Variants in SGMS1 observed in about 807,000 individuals in gnomAD.
SGMS1 encodes the protein sphingomyelin synthase 1.
Under a neutral mutation model 46.2 loss-of-function variants are expected in SGMS1, and 13 were observed. The ratio of observed to expected loss-of-function variants is 0.28; its 90% CI spans 0.18 to 0.45. The LOEUF is 0.45. Among genes scored for constraint, SGMS1 ranks in the 20% least tolerant of loss-of-function variants. SGMS1 has a pLI of 1.00. For missense variants in SGMS1, 324 were observed against 519.9 expected, an observed-to-expected ratio of 0.62 and a Z score of 3.66; for synonymous variants, 203 against 187.8, an observed-to-expected ratio of 1.08 and a Z score of -0.66.
At chr10:50,516,204 T>G (rs1028006775) in intron 3 of SGMS1, among the ~76,000 whole-genome samples, 1 of 152,148 alleles carries the variant, frequency 6.6e-6, no homozygotes, top group Non-Finnish European at 1.5e-5. Context: ...GACATCCACT[T>G]TGAAATACTT....
intron 9 of SGMS1, 149 bp from the exon 10 acceptor site, chr10:50,308,297 T>C: frequency 3.0e-6 from 2 of 677,922 alleles, no homozygotes; most frequent in Non-Finnish European, 4.8e-6. Context: ...GTCATTTATC[T>C]GTAACCAAGG....
At chr10:50,582,003 G>A (rs945883617) in intron 2 of SGMS1, among the ~76,000 whole-genome samples, 1 of 152,190 alleles carries the variant, frequency 6.6e-6, no homozygotes, top group African/African-American at 2.4e-5. Context: ...AACAGCAACC[G>A]CAGGGCAGAG....
chr10:50,457,414 T>G (rs1837205839), intron 5 of SGMS1, among the ~76,000 whole-genome samples: 1 of 152,216 alleles, frequency 6.6e-6, no homozygotes, highest in Non-Finnish European at 1.5e-5. Context: ...GTTTTTTACA[T>G]TTTTCTTCTT....
intron 6 of SGMS1, among the ~76,000 whole-genome samples, chr10:50,388,603 A>G (rs1050557853): frequency 6.6e-6 from 1 of 152,160 alleles, no homozygotes; most frequent in African/African-American, 2.4e-5. Context: ...ACAGAGCGAG[A>G]CTGTCTCAAA....
rs954367642 is a variant in SGMS1 at position 50,307,051 on chromosome 10, A to G, written c.*91T>C. 14 of 1,228,474 alleles carry G rather than the reference A, an allele frequency of 1.1e-5. No homozygotes were observed. Among genetic ancestry groups the G allele is most frequent in the Admixed American group, 2.3e-5 (1 of 42,888 alleles). 76.1% of individuals were successfully genotyped at this position (1,228,474 alleles called of 1,614,324 possible). A position where few individuals can be genotyped will look rare whatever the true frequency, so the allele number is the denominator to read the frequency against. ...GTCAAGGTAACCATTGAAAGATAAT[A>G]GGATTAGGGAGGTGTTTATTTTATG... On this transcript the variant is annotated 3_prime_UTR_variant, in exon 11 of 11. Coordinates refer to ENST00000361781, the MANE Select transcript of SGMS1 (RefSeq NM_147156.4). The surrounding 1 kb of genome is among the most constrained non-coding windows in gnomAD (Gnocchi z 4.2).
At chr10:50,365,255 CAAAA>C (rs67951872) in intron 6 of SGMS1, among the ~76,000 whole-genome samples, 541 of 45,024 alleles carry the variant, frequency 0.012, 1 homozygote, top group African/African-American at 0.036. Context: ...TCCATCTCAC[CAAAA>C]AAAAAAAAAA....
At chr10:50,423,278 T>C (rs59583053) in intron 6 of SGMS1, among the ~76,000 whole-genome samples, 4,122 of 137,156 alleles carry the variant, frequency 0.03, 193 homozygotes, top group African/African-American at 0.11. Flanking sequence ...TCTTCATTCC[T>C]AAAGTGTGCC....
chr10:50,508,967 G>A (rs1479417258), intron 3 of SGMS1, among the ~76,000 whole-genome samples: 3 of 152,220 alleles, frequency 2.0e-5, no homozygotes, highest in African/African-American at 7.2e-5. Flanking sequence ...TCATTTGCCT[G>A]TGTAAACTCA....
rs543401719 is a variant in SGMS1, at chr10:50,562,835, C to T, written c.-589+27318G>A. Reference sequence around the variant, plus strand: ...CTGGGTTTACAAGCGTGAGCCACCGCGCCCGGCCGTCTCCATACTCTTTAG... The same window carrying T: ...CTGGGTTTACAAGCGTGAGCCACCGTGCCCGGCCGTCTCCATACTCTTTAG... On this transcript the variant is annotated intron_variant, in intron 2 of 10. Coordinates refer to ENST00000361781, the MANE Select transcript of SGMS1 (RefSeq NM_147156.4). 1.2e-4 allele frequency among the ~76,000 whole-genome samples: 19 copies of T among 152,284 alleles called. 1 individual carries two copies. In the East Asian group the frequency reaches 1.4e-3, roughly 11 times the overall value.
intron 1 of SGMS1, among the ~76,000 whole-genome samples, chr10:50,609,460 G>T (rs1838727116): frequency 6.7e-6 from 1 of 149,262 alleles, no homozygotes; most frequent in African/African-American, 2.5e-5. Flanking sequence ...TCATCACTGT[G>T]TCACCAGTAC....
chr10:50,502,389 G>A (rs1168714677), intron 3 of SGMS1, among the ~76,000 whole-genome samples: 6 of 151,066 alleles, frequency 4.0e-5, no homozygotes, highest in African/African-American at 7.3e-5. Flanking sequence ...CTGAGCTTCC[G>A]AGGGAAGTAA....
intron 4 of SGMS1, among the ~76,000 whole-genome samples, chr10:50,465,648 A>C (rs533604579): frequency 1.6e-4 from 24 of 152,178 alleles, no homozygotes; most frequent in Non-Finnish European, 2.6e-4. Context: ...TTAGAGATCA[A>C]ACTAGTAGGT....
intron 6 of SGMS1, among the ~76,000 whole-genome samples, chr10:50,396,377 G>A (rs1848848254): frequency 6.6e-6 from 1 of 152,100 alleles, no homozygotes; most frequent in South Asian, 2.1e-4. Flanking sequence ...CTCTTCCCTA[G>A]GATGTTTTGC....
At chr10:50,458,987 T>A (rs1224449313) in intron 5 of SGMS1, among the ~76,000 whole-genome samples, 1 of 152,222 alleles carries the variant, frequency 6.6e-6, no homozygotes, top group African/African-American at 2.4e-5. Context: ...AACTAAGTAC[T>A]TGAATAGATG....
At chr10:50,375,353 T>C (rs973715783) in intron 6 of SGMS1, among the ~76,000 whole-genome samples, 1 of 152,110 alleles carries the variant, frequency 6.6e-6, no homozygotes, top group African/African-American at 2.4e-5. Context: ...TGGGTCATGG[T>C]TGAGAACACA....
At chr10:50,312,670 T>C (rs774612746) in intron 8 of SGMS1, among the ~76,000 whole-genome samples, 1 of 152,210 alleles carries the variant, frequency 6.6e-6, no homozygotes, top group African/African-American at 2.4e-5. Context: ...CTACTAAGCA[T>C]AAACTGAAGG....
At chr10:50,515,764 C>A (rs548526630) in intron 3 of SGMS1, among the ~76,000 whole-genome samples, 2 of 152,290 alleles carry the variant, frequency 1.3e-5, no homozygotes, top group South Asian at 2.1e-4. Flanking sequence ...AGTGACTGAA[C>A]TGACCGCCAA....
At chr10:50,332,809 A>T (rs1376961012) in intron 7 of SGMS1, among the ~76,000 whole-genome samples, 1 of 151,704 alleles carries the variant, frequency 6.6e-6, no homozygotes, top group African/African-American at 2.4e-5. Context: ...AATTTTCTGT[A>T]AAGACAGGGT....
intron 6 of SGMS1, among the ~76,000 whole-genome samples, chr10:50,372,695 A>AAAAAATAAAAAAC (rs112585628): frequency 6.6e-6 from 1 of 150,944 alleles, no homozygotes; most frequent in Admixed American, 6.6e-5. Context: ...TCTGTCTCAA[A>AAAAAATAAAAAAC]AAAAAACAAA....
Sources: gnomAD v4.1 joint callset for allele counts (sites outside exome capture counted in the v4.1 genomes callset) on GRCh38, gnomAD v4.1.1 for gene constraint, Gnocchi (gnomAD v3.1) non-coding constraint, MANE v1.5 for transcripts, NCBI Gene and HGNC (gene_info 2026-07-23, HGNC 2026-07-21) for gene names.